SLTM: variants seen among roughly 807,000 people sequenced by gnomAD.
The protein encoded by SLTM is SAFB like transcription modulator, also known as SAFB-like transcription modulator.
In SLTM, 43 loss-of-function variants were observed where a neutral mutation model predicts 134.6. The ratio of observed to expected loss-of-function variants is 0.32; its 90% CI spans 0.25 to 0.41. SLTM has a LOEUF of 0.41. SLTM is among the 10% of genes least tolerant of loss of function. SLTM has a pLI of 1.00. For synonymous variants in SLTM, 424 were observed against 432.3 expected (o/e 0.98, Z 0.24); for missense variants, 1,055 against 1,288.8 (o/e 0.82, Z 2.78).
Position 58,912,652 on chromosome 15 carries a change from C to T in SLTM, c.514-42G>A, listed in dbSNP as rs534131931. On this transcript the variant is annotated intron_variant, in intron 4 of 20. Transcript: ENST00000380516. ...ACAATAGCTTTGCTTTATAAAATATCGGGGTAACGTGAGAATGCTTTTATG... is the reference window on the plus strand; with the variant it reads ...ACAATAGCTTTGCTTTATAAAATATTGGGGTAACGTGAGAATGCTTTTATG... 257 of 1,518,118 alleles carry T rather than the reference C, an allele frequency of 1.7e-4. 4 individuals carry two copies. In the South Asian group the frequency reaches 2.6e-3, roughly 15 times the overall value. 94.0% of individuals were successfully genotyped at this position (1,518,118 alleles called of 1,614,324 possible). A position where few individuals can be genotyped will look rare whatever the true frequency, so the allele number is the denominator to read the frequency against.
In SLTM at chr15:58,900,060, A is replaced by G. The variant is rs1203561266; in HGVS notation, c.590-123T>C. 36 of 477,914 alleles carry G rather than the reference A, an allele frequency of 7.5e-5. 1 individual carries two copies. In the Admixed American group the frequency reaches 1.3e-3, roughly 17 times the overall value. The allele number at this position is 477,914 out of a possible 1,614,324, so 29.6% of individuals were successfully genotyped here. On this transcript the variant is annotated intron_variant, in intron 6 of 20. Transcript: ENST00000380516. ...TATTAGCACTGATGGAAGTTAGGGA[A>G]AAAAAAAAAAAACACAAGGGTATTA...
chr15:58,893,787 C>A, intron 12 of SLTM, 34 bp downstream of exon 12: 1 of 1,571,430 alleles, frequency 6.4e-7, no homozygotes, highest in South Asian at 1.2e-5. Flanking sequence ...TAGTAGAATG[C>A]ATTAGAAAGG....
Position 58,888,575 on chromosome 15 carries a change from TTA to T in SLTM, c.2205-22_2205-21del, listed in dbSNP as rs576933806. 1.9e-5 allele frequency: 30 copies of T among 1,612,078 alleles called. No individual in the cohort carries two copies. Among genetic ancestry groups the T allele is most frequent in the Non-Finnish European group, 2.5e-5 (29 of 1,179,242 alleles). On this transcript the variant is annotated intron_variant, in intron 16 of 20. Transcript: ENST00000380516. ...TCTCGCCTTGAAGAGAAATATTTGCTTATTTACATAAATTAGTTCTACAGTAA... is the reference window on the plus strand; with the variant it reads ...TCTCGCCTTGAAGAGAAATATTTGCTTTTACATAAATTAGTTCTACAGTAA...
In SLTM at chr15:58,893,142, G is replaced by C. The variant is rs965690034; in HGVS notation, c.1735-82C>G. ...TCAAGTTTAGTAGGTCATTTAAAAA[G>C]TTCAAATGACTAGTAACATTTCCTT... On this transcript the variant is annotated intron_variant, in intron 13 of 20. Transcript: ENST00000380516. 3.7e-5 allele frequency: 53 copies of C among 1,426,238 alleles called. No individual in the cohort carries two copies. The African/African-American group carries it at 6.7e-4, about 18-fold the overall frequency. 88.3% of individuals were successfully genotyped at this position (1,426,238 alleles called of 1,614,324 possible).
intron 2 of SLTM, among the ~76,000 whole-genome samples, chr15:58,925,822 T>G (rs1018143874): frequency 2.0e-5 from 3 of 152,216 alleles, no homozygotes; most frequent in Non-Finnish European, 2.9e-5. Context: ...AAAGGTAATT[T>G]AACTGGGTTC....
chr15:58,892,311 A>T (rs1465578106), intron 14 of SLTM, among the ~76,000 whole-genome samples: 1 of 152,178 alleles, frequency 6.6e-6, no homozygotes, highest in East Asian at 1.9e-4. Flanking sequence ...CTTTGTTTAT[A>T]TTTTCCGTTT....
intron 20 of SLTM, among the ~76,000 whole-genome samples, chr15:58,880,591 CACTT>C (rs2033616010): frequency 6.6e-6 from 1 of 152,118 alleles, no homozygotes; most frequent in South Asian, 2.1e-4. Flanking sequence ...GGGCCTCACT[CACTT>C]CACCGAGGCT....
intron 11 of SLTM, 21 bp downstream of exon 11, chr15:58,894,069 T>C (rs1459550059): frequency 7.5e-6 from 12 of 1,589,958 alleles, no homozygotes; most frequent in Non-Finnish European, 1.0e-5. Flanking sequence ...TCAAAATAAA[T>C]AAATAAAAAT....
chr15:58,931,594 T>C (rs545614767), intron 2 of SLTM, among the ~76,000 whole-genome samples: 22 of 152,186 alleles, frequency 1.4e-4, no homozygotes, highest in African/African-American at 3.4e-4. Flanking sequence ...ACTGTCCTTA[T>C]AGGAGGGAGA....
rs773260805 is a variant in SLTM, at chr15:58,899,547, T to G, written c.980A>C (p.Lys327Thr). 2.5e-6 allele frequency: 4 copies of G among 1,614,006 alleles called. No individual in the cohort carries two copies. The African/African-American group carries it at 5.3e-5, about 22-fold the overall frequency. Residue 327 changes from lysine to threonine, a missense_variant, in exon 7 of 21, where the codon AAA (lysine) becomes ACA (threonine). This residue lies in a region of SLTM where 776 missense variants were observed against 962.2 expected (regional missense o/e 0.81). Coordinates refer to ENST00000380516, the MANE Select transcript of SLTM (RefSeq NM_024755.4). The surrounding 1 kb of genome is among the most constrained non-coding windows in gnomAD (Gnocchi z 5.0). The stretch of plus-strand genomic sequence containing the variant: ...CTTTTCTTTGTCTCCAGATTCTGCT[T>G]TCTTAGAACTTTCTCTGGCTTCCTT... ...VEKEARESSKKAESGDKEKDT... is the reference protein window; with the variant it reads ...VEKEARESSKTAESGDKEKDT...
intron 5 of SLTM, among the ~76,000 whole-genome samples, chr15:58,905,967 C>G (rs117350725): frequency 2.0e-4 from 31 of 152,268 alleles, no homozygotes; most frequent in Non-Finnish European, 4.0e-4. Flanking sequence ...GAAAACAAAA[C>G]TGATTACAAT....
chr15:58,917,700 C>T (rs1362328541), intron 2 of SLTM, among the ~76,000 whole-genome samples: 1 of 152,110 alleles, frequency 6.6e-6, no homozygotes, highest in African/African-American at 2.4e-5. Flanking sequence ...ACCTTCTTTG[C>T]CCATCTTCAA....
At position 58,879,910 on chromosome 15, in the gene SLTM, C is replaced by G; in HGVS notation, c.*89G>C. ...AGAAAAGTCTGACAGAACTCTCAAGCAAGTCAGAGGTCCTCTTCATAAGTA... is the reference window on the plus strand; with the variant it reads ...AGAAAAGTCTGACAGAACTCTCAAGGAAGTCAGAGGTCCTCTTCATAAGTA... On this transcript the variant is annotated 3_prime_UTR_variant, in exon 21 of 21. Transcript: ENST00000380516. 1 of 1,431,472 alleles carries G rather than the reference C, an allele frequency of 7.0e-7. No homozygotes were observed. Among genetic ancestry groups the G allele is most frequent in the Non-Finnish European group, 9.3e-7 (1 of 1,074,448 alleles). 88.7% of individuals were successfully genotyped at this position (1,431,472 alleles called of 1,614,324 possible). A position where few individuals can be genotyped will look rare whatever the true frequency, so the allele number is the denominator to read the frequency against.
chr15:58,879,465 A>AT lies in SLTM; in HGVS notation c.*533dup, dbSNP rs1360074712. ...GAAGGTTTATTTCAAAAAAGATTACATTTTTTTAAACCAGGATACACAGAT... is the reference window on the plus strand; with the variant it reads ...GAAGGTTTATTTCAAAAAAGATTACATTTTTTTTAAACCAGGATACACAGAT... On this transcript the variant is annotated 3_prime_UTR_variant, in exon 21 of 21. Transcript: ENST00000380516. The AT allele has an allele frequency of 6.5e-6, 1 of 152,676 alleles. No homozygotes were observed. Among genetic ancestry groups the AT allele is most frequent in the East Asian group, 1.9e-4 (1 of 5,208 alleles). The allele number at this position is 152,676 out of a possible 1,614,324, so 9.5% of individuals were successfully genotyped here.
chr15:58,933,191 C>G (rs948464645), intron 1 of SLTM, among the ~76,000 whole-genome samples: 3 of 151,776 alleles, frequency 2.0e-5, no homozygotes, highest in Non-Finnish European at 4.4e-5. Context: ...TGGCCGGTCC[C>G]TCGCAGGCCC....
At chr15:58,909,416 G>T (rs574058555) in intron 5 of SLTM, among the ~76,000 whole-genome samples, 1 of 152,176 alleles carries the variant, frequency 6.6e-6, no homozygotes, top group African/African-American at 2.4e-5. Context: ...CTGAAAATTG[G>T]TAAATAAAAA....
chr15:58,892,887 C>G lies in SLTM; in HGVS notation c.1898+10G>C. 2 of 1,611,696 alleles carry G rather than the reference C, an allele frequency of 1.2e-6. No homozygotes were observed. The highest frequency in any genetic ancestry group is 1.7e-5 in the Admixed American group (1 of 59,178). ...TTTAAAGACAGGTATAAAACAGACT[C>G]TCTTCCTACCTTCGAAGTTCCATTG... On this transcript the variant is annotated intron_variant, in intron 14 of 20. Transcript: ENST00000380516.
rs779460996 is a variant in SLTM, at chr15:58,933,517, C to T, written c.49G>A (p.Ala17Thr). The stretch of plus-strand genomic sequence containing the variant: ...AGATCGGTGATCTTTTTACCTTCCG[C>T]CTGACCCGAGGCGGCCGAGGCTGCC... ...AVAASAASGQAEGKKITDLRV... is the reference protein window; with the variant it reads ...AVAASAASGQTEGKKITDLRV... The change falls in exon 1 of 21, where the codon GCG becomes ACG. Residue 17 changes from alanine (A) to threonine (T), a missense_variant. Around this residue, in one of 3 missense-constraint regions of SLTM, gnomAD observed 268 missense variants for 284.3 expected, o/e 0.94. Transcript: ENST00000380516. 1 of 1,597,020 alleles carries T rather than the reference C, an allele frequency of 6.3e-7. No individual in the cohort carries two copies. The highest frequency in any genetic ancestry group is 1.1e-5 in the South Asian group (1 of 89,094).
chr15:58,906,428 A>G (rs1595887821), intron 5 of SLTM, among the ~76,000 whole-genome samples: 1 of 152,264 alleles, frequency 6.6e-6, no homozygotes, highest in Non-Finnish European at 1.5e-5. Flanking sequence ...ATGCTAAAAT[A>G]CATAAAGCTC....
Sources: allele counts gnomAD v4.1 joint callset (sites outside exome capture counted in the v4.1 genomes callset), GRCh38; gene constraint gnomAD v4.1.1; regional missense constraint gnomAD v4.1.1; non-coding constraint Gnocchi (gnomAD v3.1); transcripts MANE v1.5; gene names NCBI Gene and HGNC (gene_info 2026-07-23, HGNC 2026-07-21).